Variants in NSD2 observed in about 807,000 individuals in gnomAD.
NSD2 encodes histone-lysine N-methyltransferase NSD2.
Under a neutral mutation model 139.0 loss-of-function variants are expected in NSD2, and 12 were observed. The observed-to-expected ratio is 0.09, with a 90% CI of 0.06 to 0.14. NSD2 has a LOEUF of 0.14. NSD2 is among the 10% of genes least tolerant of loss of function. The probability of loss-of-function intolerance (pLI) is 1.00; values close to 1 mark genes in which losing one functional copy is unlikely to be tolerated. For missense variants in NSD2, 1,155 were observed against 1,745.0 expected (o/e 0.66, Z 6.02); for synonymous variants, 669 against 648.7 (o/e 1.03, Z -0.48).
intron 1 of NSD2, among the ~76,000 whole-genome samples, chr4:1,872,591 T>TGTGA (rs1281608141): frequency 0.018 from 785 of 44,832 alleles, 14 homozygotes; most frequent in Non-Finnish European, 0.02. Flanking sequence ...TGTGTGTGTG[T>TGTGA]GAGAGAGAGA....
chr4:1,975,469 C>G lies in NSD2; in HGVS notation c.3621+69C>G, dbSNP rs111735900. On this transcript the variant is annotated intron_variant, in intron 20 of 21. Coordinates refer to ENST00000508803, the MANE Select transcript of NSD2 (RefSeq NM_001042424.3). ...ATTTTGCACTCCTGGAGACCTGTGT[C>G]CCCCGTGAACAGCGGCTTCCTCCAG... The G allele has an allele frequency of 1.3e-3, 1,755 of 1,403,522 alleles. 19 individuals carry two copies. In the African/African-American group the frequency reaches 0.021, roughly 17 times the overall value. 86.9% of individuals were successfully genotyped at this position (1,403,522 alleles called of 1,614,324 possible). A position where few individuals can be genotyped will look rare whatever the true frequency, so the allele number is the denominator to read the frequency against.
At chr4:1,872,095 C>T (rs1311051074) in intron 1 of NSD2, among the ~76,000 whole-genome samples, 3 of 151,618 alleles carry the variant, frequency 2.0e-5, no homozygotes, top group Non-Finnish European at 4.4e-5. Flanking sequence ...TTTTTGTTTG[C>T]AGGCGGTGTC....
chr4:1,914,283 A>T (rs1291798418), intron 3 of NSD2, among the ~76,000 whole-genome samples: 1 of 151,214 alleles, frequency 6.6e-6, no homozygotes, highest in East Asian at 2.0e-4. Flanking sequence ...TTGGCCTCCT[A>T]AAGTGCTGAG....
chr4:1,895,851 C>T (rs139736882), intron 1 of NSD2, among the ~76,000 whole-genome samples: 1 of 152,244 alleles, frequency 6.6e-6, no homozygotes, highest in African/African-American at 2.4e-5. Flanking sequence ...AAGGGTGGCT[C>T]TGTCACCCCA....
chr4:1,874,421 G>C (rs1714101638), intron 1 of NSD2, among the ~76,000 whole-genome samples: 1 of 152,218 alleles, frequency 6.6e-6, no homozygotes, highest in East Asian at 1.9e-4. Context: ...CTCCCCTGTT[G>C]GGTTAACTCT....
chr4:1,889,026 T>A lies in NSD2; in HGVS notation c.-29-11600T>A, dbSNP rs181648487. 2.2e-3 allele frequency among the ~76,000 whole-genome samples: 338 copies of A among 151,828 alleles called. 2 individuals are homozygous for A. Among genetic ancestry groups the A allele is most frequent in the African/African-American group, 7.8e-3 (323 of 41,394 alleles). On this transcript the variant is annotated intron_variant, in intron 1 of 21. Coordinates refer to ENST00000508803, the MANE Select transcript of NSD2 (RefSeq NM_001042424.3). ...GATTCTTCTGCCTCAGCCTCCCGAA[T>A]AGCTGGGATTACAGGCACCCGCTAC... is the stretch of plus-strand genomic sequence containing the variant.
At chr4:1,875,356 A>AGAG (rs1714172712) in intron 1 of NSD2, among the ~76,000 whole-genome samples, 1 of 142,930 alleles carries the variant, frequency 7.0e-6, no homozygotes, top group Non-Finnish European at 1.5e-5. Flanking sequence ...ATCACGGCTC[A>AGAG]TTGCAGCCTT....
At chr4:1,929,749 T>C (rs537074809) in intron 5 of NSD2, among the ~76,000 whole-genome samples, 64 of 152,304 alleles carry the variant, frequency 4.2e-4, no homozygotes, top group African/African-American at 1.4e-3. Context: ...CTGGCATTAG[T>C]GTGTCAGCCC....
intron 9 of NSD2, 140 bp downstream of exon 9, chr4:1,939,918 G>A: frequency 6.6e-7 from 1 of 1,519,170 alleles, no homozygotes; most frequent in Non-Finnish European, 8.8e-7. Context: ...AGGGCCTCTT[G>A]GCTAACTCAG....
At chr4:1,918,849 A>G in intron 5 of NSD2, 1 of 554,384 alleles carries the variant, frequency 1.8e-6, no homozygotes. Flanking sequence ...AATGTGGATA[A>G]GAAGATACCG....
intron 9 of NSD2, chr4:1,944,048 G>A (rs1723373841): frequency 1.9e-6 from 2 of 1,065,964 alleles, no homozygotes; most frequent in Non-Finnish European, 1.1e-6. Flanking sequence ...AGGGGCACAT[G>A]GGGGAACGTG....
rs576416003 is a variant in NSD2, at chr4:1,980,596, G to C, written c.*1687G>C. 8.6e-6 allele frequency: 2 copies of C among 232,960 alleles called. No individual in the cohort carries two copies. The highest frequency in any genetic ancestry group is 3.6e-4 in the South Asian group (2 of 5,528). 14.4% of individuals were successfully genotyped at this position (232,960 alleles called of 1,614,324 possible). A position where few individuals can be genotyped will look rare whatever the true frequency, so the allele number is the denominator to read the frequency against. On this transcript the variant is annotated 3_prime_UTR_variant, in exon 22 of 22. Transcript: ENST00000508803. ...CTCCGTGGTTTTGTGACCTGTAAGC[G>C]TGGGGTTCAGGGGTGTGTGGCCCTG...
intron 12 of NSD2, among the ~76,000 whole-genome samples, chr4:1,953,987 A>T (rs1336550943): frequency 4.5e-5 from 6 of 133,256 alleles, no homozygotes; most frequent in African/African-American, 1.4e-4. Context: ...ATTTTTGTAA[A>T]TTTTTTTTTT....
In NSD2 at chr4:1,945,324, A is replaced by G. The variant is rs1723509439; in HGVS notation, c.1881+5546A>G. 18 of 1,065,792 alleles carry G rather than the reference A, an allele frequency of 1.7e-5. No individual in the cohort carries two copies. The South Asian group carries it at 7.3e-4, about 43-fold the overall frequency. The allele number at this position is 1,065,792 out of a possible 1,614,324, so 66.0% of individuals were successfully genotyped here. ...GAAAGGAGGGAGGATGCTGTGTGAG[A>G]GCCATGCTGTCAGGAGCAAGCTTGC... On this transcript the variant is annotated intron_variant, in intron 9 of 21. Transcript: ENST00000508803.
rs747220169 is a variant in NSD2 at position 1,901,268 on chromosome 4, G to A, written c.597+17G>A. 12 of 1,542,728 alleles carry A rather than the reference G, an allele frequency of 7.8e-6. No individual in the cohort carries two copies. The highest frequency in any genetic ancestry group is 1.0e-5 in the Non-Finnish European group (12 of 1,150,680). The stretch of plus-strand genomic sequence containing the variant: ...GATAAAAAGGTATTTAGGAGACGTT[G>A]TGTAAGGGGTCATGTGACCTTGAGC... On this transcript the variant is annotated intron_variant, in intron 2 of 21. Transcript: ENST00000508803.
chr4:1,902,407 T>C (rs1717306463), intron 2 of NSD2, among the ~76,000 whole-genome samples: 1 of 152,002 alleles, frequency 6.6e-6, no homozygotes, highest in Non-Finnish European at 1.5e-5. Context: ...TTATTTTTTG[T>C]AGGACAGGGT....
intron 1 of NSD2, among the ~76,000 whole-genome samples, chr4:1,882,314 G>T (rs1714760313): frequency 1.3e-5 from 2 of 152,190 alleles, no homozygotes; most frequent in South Asian, 4.1e-4. Context: ...GCTTTATCGT[G>T]TTCCCTTTCT....
rs771287635 is a variant in NSD2 at position 1,900,895 on chromosome 4, G to T, written c.241G>T (p.Asp81Tyr). The T allele has an allele frequency of 5.0e-6, 8 of 1,613,328 alleles. No individual in the cohort carries two copies. The highest frequency in any genetic ancestry group is 6.8e-6 in the Non-Finnish European group (8 of 1,179,514). Residue 81 changes from aspartate to tyrosine, a missense_variant, in exon 2 of 22, where the codon GAT (aspartate) becomes TAT (tyrosine). Physicochemically the swap from Asp to Tyr is radical, Grantham distance 160 (BLOSUM62 -3). This residue lies in a region of NSD2 where 246 missense variants were observed against 262.8 expected (regional missense o/e 0.94). Coordinates refer to ENST00000508803, the MANE Select transcript of NSD2 (RefSeq NM_001042424.3). ...CTTTATTCCAGCCGACAAGCTGAAAGATCTTACTTCCCGGGTGTTTAATGG... is the reference window on the plus strand; with the variant it reads ...CTTTATTCCAGCCGACAAGCTGAAATATCTTACTTCCCGGGTGTTTAATGG... ...LPFIPADKLK[D>Y]LTSRVFNGEP...
chr4:1,953,010 G>A lies in NSD2; in HGVS notation c.2138-314G>A, dbSNP rs913111288. 12 of 1,439,958 alleles carry A rather than the reference G, an allele frequency of 8.3e-6. No homozygotes were observed. In the African/African-American group the frequency reaches 1.0e-4, roughly 12 times the overall value. The allele number at this position is 1,439,958 out of a possible 1,614,324, so 89.2% of individuals were successfully genotyped here. A position where few individuals can be genotyped will look rare whatever the true frequency, so the allele number is the denominator to read the frequency against. On this transcript the variant is annotated intron_variant, in intron 11 of 21. Transcript: ENST00000508803. ...GGCCAGCTGCTCTCAAGGAGGAAAG[G>A]CCTCTTTTCATAGGAGCCCCTTCTT...
Sources: gnomAD v4.1 joint callset for allele counts (sites outside exome capture counted in the v4.1 genomes callset) on GRCh38, gnomAD v4.1.1 for gene constraint, gnomAD v4.1.1 regional missense constraint, MANE v1.5 for transcripts, NCBI Gene and HGNC (gene_info 2026-07-23, HGNC 2026-07-21) for gene names.